The following RAB38 variants were observed in gnomAD, a reference collection of about 807,000 sequenced individuals.
RAB38 encodes ras-related protein Rab-38.
A neutral mutation model predicts 18.4 loss-of-function variants in RAB38; 15 were observed. That is an observed-to-expected ratio of 0.82 (90% CI 0.55 to 1.26). The LOEUF (loss-of-function observed/expected upper bound fraction) is 1.26. RAB38 is among the 50% of genes most tolerant of loss of function. The pLI is 0.00. For synonymous variants in RAB38, 101 were observed against 104.4 expected (o/e 0.97, Z 0.20); for missense variants, 294 against 267.4 (o/e 1.10, Z -0.69).
the RAB38 span, among the ~76,000 whole-genome samples, chr11:88,078,101 A>G: frequency 6.6e-6 from 1 of 152,088 alleles, no homozygotes. Context: ...GAAAAATGTA[A>G]AACAAAACCA....
chr11:87,967,301 A>C, the RAB38 span, among the ~76,000 whole-genome samples: 3 of 152,170 alleles, frequency 2.0e-5, no homozygotes, highest in African/African-American at 7.2e-5. Flanking sequence ...TGCTGAGCAA[A>C]ACAGCTGAAT....
chr11:87,926,470 G>A, the RAB38 span, among the ~76,000 whole-genome samples: 2 of 151,890 alleles, frequency 1.3e-5, no homozygotes, highest in African/African-American at 4.8e-5. Context: ...AATCACTCAG[G>A]AATTTCCTTA....
chr11:88,122,207 C>T (rs986122473), intron 2 of RAB38, among the ~76,000 whole-genome samples: 3 of 152,062 alleles, frequency 2.0e-5, no homozygotes, highest in Non-Finnish European at 4.4e-5. Flanking sequence ...ATACATTTTC[C>T]AAATCCAATA....
the RAB38 span, among the ~76,000 whole-genome samples, chr11:88,068,398 G>A: frequency 6.6e-6 from 1 of 152,056 alleles, no homozygotes; most frequent in Admixed American, 6.6e-5. Context: ...CAATAAATAT[G>A]AACTTATGCT....
chr11:87,902,401 A>T, the RAB38 span, among the ~76,000 whole-genome samples: 1 of 151,622 alleles, frequency 6.6e-6, no homozygotes, highest in Non-Finnish European at 1.5e-5. Flanking sequence ...AAGTAGAAAT[A>T]GATCAACTGT....
At chr11:87,951,205 C>T in the RAB38 span, among the ~76,000 whole-genome samples, 1 of 152,186 alleles carries the variant, frequency 6.6e-6, no homozygotes. Context: ...GCATTCGTCA[C>T]ATAGCTCTCG....
At chr11:88,028,845 C>A in the RAB38 span, among the ~76,000 whole-genome samples, 1 of 152,150 alleles carries the variant, frequency 6.6e-6, no homozygotes, top group African/African-American at 2.4e-5. Flanking sequence ...TCTAGCAAGG[C>A]AGGCCAACAT....
At chr11:87,848,346 T>C in the RAB38 span, among the ~76,000 whole-genome samples, 411 of 151,310 alleles carry the variant, frequency 2.7e-3, 1 homozygote, top group Non-Finnish European at 4.7e-3. Context: ...TCTTTAACCC[T>C]TTCCCCCACC....
chr11:87,895,049 T>A, the RAB38 span, among the ~76,000 whole-genome samples: 1 of 151,522 alleles, frequency 6.6e-6, no homozygotes, highest in Non-Finnish European at 1.5e-5. Flanking sequence ...TTTTGTAGGG[T>A]TGATGGAGTT....
At chr11:87,877,926 T>A in the RAB38 span, among the ~76,000 whole-genome samples, 1 of 151,450 alleles carries the variant, frequency 6.6e-6, no homozygotes, top group Admixed American at 6.6e-5. Flanking sequence ...TATATTATAA[T>A]AGCTTCATAC....
At chr11:88,079,568 T>C in the RAB38 span, among the ~76,000 whole-genome samples, 1 of 151,820 alleles carries the variant, frequency 6.6e-6, no homozygotes, top group African/African-American at 2.4e-5. Context: ...GAAACCATCA[T>C]TTCCCTGATA....
chr11:87,960,741 G>A, the RAB38 span, among the ~76,000 whole-genome samples: 8 of 152,082 alleles, frequency 5.3e-5, no homozygotes, highest in African/African-American at 1.9e-4. Flanking sequence ...GTTCATAAAG[G>A]AGTGCCTAAA....
At chr11:87,808,043 C>T in the RAB38 span, among the ~76,000 whole-genome samples, 3 of 152,176 alleles carry the variant, frequency 2.0e-5, no homozygotes, top group Non-Finnish European at 2.9e-5. Context: ...ATATACCTCC[C>T]CAGTCTCTCA....
chr11:87,875,183 A>C, the RAB38 span, among the ~76,000 whole-genome samples: 2 of 151,524 alleles, frequency 1.3e-5, no homozygotes, highest in African/African-American at 2.4e-5. Flanking sequence ...CTTAGAATAA[A>C]AAATGATAGG....
chr11:87,976,672 G>GATATATGAATATATAAATTTATATA, the RAB38 span, among the ~76,000 whole-genome samples: 1 of 73,036 alleles, frequency 1.4e-5, no homozygotes, highest in Non-Finnish European at 2.8e-5. Flanking sequence ...AATTTTATAT[G>GATATATGAATATATAAATTTATATA]ATATATATTT....
At chr11:88,140,634 G>C (rs1565214598) in intron 2 of RAB38, among the ~76,000 whole-genome samples, 2 of 152,156 alleles carry the variant, frequency 1.3e-5, no homozygotes, top group South Asian at 4.1e-4. Flanking sequence ...GGAAGAGTGA[G>C]AGACAGGTGC....
the RAB38 span, among the ~76,000 whole-genome samples, chr11:87,888,709 G>A: frequency 9.2e-5 from 14 of 151,918 alleles, no homozygotes; most frequent in Non-Finnish European, 1.8e-4. Flanking sequence ...ACCAGGTTTA[G>A]CGCTGCTCTT....
intron 2 of RAB38, among the ~76,000 whole-genome samples, chr11:88,130,475 T>G (rs1942753411): frequency 6.6e-6 from 1 of 152,308 alleles, no homozygotes; most frequent in Non-Finnish European, 1.5e-5. Context: ...AGAGACGGAC[T>G]AGCACTACAA....
the RAB38 span, among the ~76,000 whole-genome samples, chr11:87,898,064 TAAAAAG>T: frequency 6.6e-6 from 1 of 151,478 alleles, no homozygotes; most frequent in Non-Finnish European, 1.5e-5. Context: ...TTCCCAAAAA[TAAAAAG>T]AGAAATATCC....
Sources: allele counts gnomAD v4.1 joint callset (sites outside exome capture counted in the v4.1 genomes callset), GRCh38; gene constraint gnomAD v4.1.1; transcripts MANE v1.5; gene names NCBI Gene and HGNC (gene_info 2026-07-23, HGNC 2026-07-21).